PKIB: variants seen among roughly 807,000 people sequenced by gnomAD.
PKIB encodes the protein cAMP-dependent protein kinase inhibitor beta, also known as PKI-beta.
Under a neutral mutation model 4.5 loss-of-function variants are expected in PKIB, and 2 were observed. The ratio of observed to expected loss-of-function variants is 0.44; its 90% confidence interval spans 0.18 to 1.39. The LOEUF is 1.39. PKIB is among the 40% of genes most tolerant of loss of function. The pLI is 0.27. For missense variants in PKIB, 94 were observed against 92.6 expected (o/e 1.02, Z -0.06); for synonymous variants, 38 against 36.0 (o/e 1.06, Z -0.20).
chr6:122,689,750 G>A (rs542062593), intron 3 of PKIB, among the ~76,000 whole-genome samples: 8 of 152,280 alleles, frequency 5.3e-5, no homozygotes, highest in Non-Finnish European at 7.4e-5. Flanking sequence ...AAAATGTTCT[G>A]TAAATATTTA....
At chr6:122,540,555 A>C (rs552790204) in intron 2 of PKIB, among the ~76,000 whole-genome samples, 8 of 151,888 alleles carry the variant, frequency 5.3e-5, no homozygotes. Flanking sequence ...ACAGTTTGTT[A>C]TAATTTCTGT....
At chr6:122,607,740 T>G (rs1344211508), upstream of PKIB, among the ~76,000 whole-genome samples, 1 of 152,234 alleles carries the variant, frequency 6.6e-6, no homozygotes, top group African/African-American at 2.4e-5. Context: ...GATGTCCCTT[T>G]GATATAGACT....
At chr6:122,537,429 ATTT>A (rs1486479646) in intron 2 of PKIB, among the ~76,000 whole-genome samples, 1 of 151,416 alleles carries the variant, frequency 6.6e-6, no homozygotes, top group East Asian at 1.9e-4. Flanking sequence ...TTGTGAGAAC[ATTT>A]TGGTTTTTTG....
At chr6:122,561,945 C>T (rs1345170690) in intron 2 of PKIB, among the ~76,000 whole-genome samples, 2 of 138,388 alleles carry the variant, frequency 1.4e-5, no homozygotes, top group Non-Finnish European at 3.0e-5. Context: ...GGTACCCTTG[C>T]GTTCATCATG....
At chr6:122,515,999 C>T (rs1263806452) in intron 2 of PKIB, among the ~76,000 whole-genome samples, 4 of 152,174 alleles carry the variant, frequency 2.6e-5, no homozygotes, top group Admixed American at 1.3e-4. Context: ...AGGCGTGAAC[C>T]ACCACGCCCG....
At chr6:122,724,997 GTA>G in intron 4 of PKIB, 129 bp from the exon 5 acceptor site, 6 of 666,636 alleles carry the variant, frequency 9.0e-6, no homozygotes. Context: ...GCTCTTCTTT[GTA>G]TAGTTTCCAT....
chr6:122,493,254 G>A (rs1447150838), intron 2 of PKIB: 2 of 152,198 alleles, frequency 1.3e-5, no homozygotes, highest in South Asian at 2.1e-4. Flanking sequence ...AATGAGATCA[G>A]TGCTCTTATA....
intron 3 of PKIB, among the ~76,000 whole-genome samples, chr6:122,713,311 C>T (rs1161319182): frequency 6.6e-6 from 1 of 152,112 alleles, no homozygotes; most frequent in Non-Finnish European, 1.5e-5. Flanking sequence ...TTTGTTAATT[C>T]TCTAGAAGAG....
intron 2 of PKIB, among the ~76,000 whole-genome samples, chr6:122,528,225 C>A (rs1777152692): frequency 6.6e-6 from 1 of 152,104 alleles, no homozygotes; most frequent in African/African-American, 2.4e-5. Context: ...TTTTGATTGC[C>A]ATTTGCATGG....
At chr6:122,531,442 C>T (rs1777258109) in intron 2 of PKIB, 1 of 152,140 alleles carries the variant, frequency 6.6e-6, no homozygotes, top group South Asian at 2.1e-4. Flanking sequence ...GGGAAGAAAG[C>T]TTCATATATC....
intron 1 of PKIB, among the ~76,000 whole-genome samples, chr6:122,616,363 T>G (rs2114775142): frequency 6.6e-6 from 1 of 152,252 alleles, no homozygotes; most frequent in Middle Eastern, 3.4e-3. Flanking sequence ...GATTGGAAGG[T>G]TGAAGCCAGA....
At chr6:122,598,812 T>G (rs909841512) in intron 3 of PKIB, among the ~76,000 whole-genome samples, 29 of 152,276 alleles carry the variant, frequency 1.9e-4, no homozygotes, top group African/African-American at 6.5e-4. Context: ...AATCTTTTTT[T>G]TAACTCCCTG....
intron 3 of PKIB, among the ~76,000 whole-genome samples, chr6:122,591,491 A>C (rs1048929218): frequency 1.3e-5 from 2 of 152,170 alleles, no homozygotes; most frequent in African/African-American, 2.4e-5. Context: ...CCTTTTTAAA[A>C]AAGTTAAATT....
chr6:122,580,849 AC>A (rs1462791117), intron 2 of PKIB, among the ~76,000 whole-genome samples: 10 of 152,162 alleles, frequency 6.6e-5, no homozygotes, highest in Non-Finnish European at 1.3e-4. Context: ...TGCACTGAAT[AC>A]CTTGTCTGAC....
intron 2 of PKIB, among the ~76,000 whole-genome samples, chr6:122,650,915 C>T (rs1582776629): frequency 6.6e-6 from 1 of 152,276 alleles, no homozygotes; most frequent in East Asian, 1.9e-4. Flanking sequence ...TTAATGTAGA[C>T]CGCCTTGTAG....
intron 1 of PKIB, among the ~76,000 whole-genome samples, chr6:122,629,885 C>T (rs756343913): frequency 2.0e-5 from 3 of 152,084 alleles, no homozygotes; most frequent in East Asian, 1.9e-4. Context: ...TATGACTACA[C>T]GTAATGCGGT....
chr6:122,680,535 G>A (rs1032825864), intron 3 of PKIB, among the ~76,000 whole-genome samples: 2 of 152,132 alleles, frequency 1.3e-5, no homozygotes, highest in Non-Finnish European at 2.9e-5. Context: ...GGTGGGCTTT[G>A]GGAAAAGAGG....
intron 3 of PKIB, among the ~76,000 whole-genome samples, chr6:122,691,196 A>G (rs111278055): frequency 1.3e-5 from 2 of 152,008 alleles, no homozygotes; most frequent in African/African-American, 4.8e-5. Context: ...TTGATATTCT[A>G]TAACCTTCCT....
chr6:122,686,420 T>A (rs1346854279), intron 3 of PKIB, among the ~76,000 whole-genome samples: 1 of 152,092 alleles, frequency 6.6e-6, no homozygotes, highest in East Asian at 1.9e-4. Context: ...GGAGCACCAT[T>A]TCTTATACCT....
Sources: gnomAD v4.1 joint callset for allele counts (sites outside exome capture counted in the v4.1 genomes callset) on GRCh38, gnomAD v4.1.1 for gene constraint, MANE v1.5 for transcripts, NCBI Gene and HGNC (gene_info 2026-07-23, HGNC 2026-07-21) for gene names.